Variants in EPB41L4B observed in about 807,000 individuals in gnomAD.
EPB41L4B encodes band 4.1-like protein 4B.
A neutral mutation model predicts 112.5 loss-of-function variants in EPB41L4B; 30 were observed. The ratio of observed to expected loss-of-function variants is 0.27; its 90% CI spans 0.20 to 0.36. The LOEUF is 0.36. Ranked by LOEUF, EPB41L4B falls within the 10% of genes least tolerant of loss-of-function variation. The pLI, the probability that EPB41L4B is intolerant of heterozygous loss-of-function variation, is 1.00. For synonymous variants in EPB41L4B, 408 were observed against 439.7 expected (o/e 0.93, Z 0.90); for missense variants, 1,024 against 1,133.3 (o/e 0.90, Z 1.38).
intron 15 of EPB41L4B, among the ~76,000 whole-genome samples, chr9:109,237,269 T>C (rs572631935): frequency 6.6e-6 from 1 of 152,328 alleles, no homozygotes; most frequent in East Asian, 1.9e-4. Flanking sequence ...CAAAAGGGTT[T>C]TGAAGACCAA....
intron 1 of EPB41L4B, among the ~76,000 whole-genome samples, chr9:109,301,471 C>T (rs540910795): frequency 1.3e-5 from 2 of 152,298 alleles, no homozygotes; most frequent in East Asian, 1.9e-4. Context: ...AGCCCCTTCT[C>T]ATCTCCCCAG....
chr9:109,249,746 G>A (rs542252501), intron 13 of EPB41L4B, among the ~76,000 whole-genome samples: 1 of 152,232 alleles, frequency 6.6e-6, no homozygotes, highest in Non-Finnish European at 1.5e-5. Context: ...TCCTAAAAAT[G>A]GGGTGAATCT....
intron 20 of EPB41L4B, among the ~76,000 whole-genome samples, chr9:109,198,639 G>A (rs1311486921): frequency 1.3e-5 from 2 of 152,192 alleles, no homozygotes; most frequent in African/African-American, 2.4e-5. Context: ...GGGCACGGTG[G>A]CTCATGCCTG....
rs185116002 is a variant in EPB41L4B, at chr9:109,318,300, T to C, written c.306+1841A>G. ...TTTTGTCAAGCAGCCTTTTATAAAGTGAAGAAACCTTTTAGGATGCAAATA... is the reference window on the plus strand; with the variant it reads ...TTTTGTCAAGCAGCCTTTTATAAAGCGAAGAAACCTTTTAGGATGCAAATA... On this transcript the variant is annotated intron_variant, in intron 1 of 25. Transcript: ENST00000374566. 4.6e-5 allele frequency among the ~76,000 whole-genome samples: 7 copies of C among 152,204 alleles called. No homozygotes were observed. The East Asian group carries it at 1.4e-3, about 29-fold the overall frequency.
At chr9:109,284,396 G>A (rs1238551346) in intron 1 of EPB41L4B, among the ~76,000 whole-genome samples, 1 of 152,106 alleles carries the variant, frequency 6.6e-6, no homozygotes, top group African/African-American at 2.4e-5. Context: ...TAGAGAAACC[G>A]CGGATGGCTT....
intron 15 of EPB41L4B, among the ~76,000 whole-genome samples, chr9:109,235,551 C>T (rs1028694619): frequency 6.6e-6 from 1 of 152,022 alleles, no homozygotes; most frequent in Non-Finnish European, 1.5e-5. Context: ...GCACACACCA[C>T]CACGCCCGGC....
intron 15 of EPB41L4B, among the ~76,000 whole-genome samples, chr9:109,238,588 T>C (rs1834235694): frequency 6.6e-6 from 1 of 151,978 alleles, no homozygotes; most frequent in Admixed American, 6.6e-5. Flanking sequence ...ATTGATGCAG[T>C]GTACAGGTTT....
intron 15 of EPB41L4B, among the ~76,000 whole-genome samples, chr9:109,235,999 G>A (rs1014672941): frequency 6.6e-6 from 1 of 152,160 alleles, no homozygotes; most frequent in Non-Finnish European, 1.5e-5. Flanking sequence ...AGAACTATGG[G>A]GCTCTTGTCC....
intron 4 of EPB41L4B, 58 bp downstream of exon 4, chr9:109,267,415 T>C (rs1835447354): frequency 3.6e-6 from 4 of 1,103,718 alleles, no homozygotes; most frequent in South Asian, 1.3e-5. Flanking sequence ...AGAAGAGCCA[T>C]AAATGACATG....
chr9:109,277,927 G>C (rs1318180645), intron 2 of EPB41L4B, among the ~76,000 whole-genome samples: 4 of 152,198 alleles, frequency 2.6e-5, no homozygotes, highest in Non-Finnish European at 5.9e-5. Context: ...GGACACACGA[G>C]AATCTATGTG....
intron 1 of EPB41L4B, among the ~76,000 whole-genome samples, chr9:109,311,943 A>G (rs1260340140): frequency 2.0e-5 from 3 of 152,212 alleles, no homozygotes; most frequent in Non-Finnish European, 2.9e-5. Context: ...CAGATTCTGC[A>G]TGCCTTGGAG....
chr9:109,219,046 T>C (rs10979755), intron 15 of EPB41L4B, among the ~76,000 whole-genome samples: 4,832 of 151,826 alleles, frequency 0.032, 273 homozygotes, highest in African/African-American at 0.11. Context: ...GAAAGAGCAT[T>C]CGGGGGAAGA....
chr9:109,281,291 TC>T (rs1454067840), intron 1 of EPB41L4B, among the ~76,000 whole-genome samples: 1 of 151,598 alleles, frequency 6.6e-6, no homozygotes, highest in East Asian at 1.9e-4. Context: ...TACAACTAGT[TC>T]CCCCCAAACA....
chr9:109,286,523 T>C (rs1390957270), intron 1 of EPB41L4B, among the ~76,000 whole-genome samples: 1 of 152,154 alleles, frequency 6.6e-6, no homozygotes, highest in Admixed American at 6.5e-5. Context: ...AGAAGACGAG[T>C]TACTGTGACG....
intron 15 of EPB41L4B, among the ~76,000 whole-genome samples, chr9:109,229,649 T>C (rs1833892159): frequency 6.6e-6 from 1 of 152,208 alleles, no homozygotes; most frequent in South Asian, 2.1e-4. Flanking sequence ...GGTTCCTGTT[T>C]TACTTTAGCC....
intron 2 of EPB41L4B, among the ~76,000 whole-genome samples, chr9:109,271,960 T>G (rs1835637974): frequency 6.6e-6 from 1 of 152,210 alleles, no homozygotes; most frequent in African/African-American, 2.4e-5. Flanking sequence ...ATTCTGGAAA[T>G]ATGACACCCA....
intron 6 of EPB41L4B, among the ~76,000 whole-genome samples, chr9:109,260,647 T>C (rs1458522518): frequency 1.3e-5 from 2 of 152,044 alleles, no homozygotes; most frequent in African/African-American, 4.8e-5. Flanking sequence ...ACTCCGGACC[T>C]CAGGTAATCC....
intron 14 of EPB41L4B, among the ~76,000 whole-genome samples, chr9:109,246,837 C>G (rs1299081769): frequency 4.6e-5 from 7 of 152,238 alleles, no homozygotes; most frequent in African/African-American, 7.2e-5. Flanking sequence ...TGTGCTCCTT[C>G]CTGCAGGCAA....
At chr9:109,275,554 C>G (rs1835782193) in intron 2 of EPB41L4B, among the ~76,000 whole-genome samples, 1 of 152,158 alleles carries the variant, frequency 6.6e-6, no homozygotes, top group Admixed American at 6.5e-5. Context: ...CTAACTGTAC[C>G]TTCTTAGCAT....
Sources: allele counts gnomAD v4.1 joint callset (sites outside exome capture counted in the v4.1 genomes callset), GRCh38; gene constraint gnomAD v4.1.1; transcripts MANE v1.5; gene names NCBI Gene and HGNC (gene_info 2026-07-23, HGNC 2026-07-21).